ADGRF1: variants seen among roughly 807,000 people sequenced by gnomAD.
ADGRF1 encodes the protein adhesion G protein-coupled receptor F1.
ADGRF1 carries 85 observed loss-of-function variants against 87.2 expected under a neutral mutation model. That is an observed-to-expected ratio of 0.97 (90% CI 0.82 to 1.17). The LOEUF is 1.17. ADGRF1 is among the 50% of genes most tolerant of loss of function. ADGRF1 has a pLI of 0.00. For missense variants in ADGRF1, 1,169 were observed against 1,077.2 expected, an observed-to-expected ratio of 1.09 and a Z score of -1.19; for synonymous variants, 430 against 408.8, an observed-to-expected ratio of 1.05 and a Z score of -0.63.
chr6:47,013,775 G>C (rs1779778205), intron 9 of ADGRF1: 1 of 399,894 alleles, frequency 2.5e-6, no homozygotes, highest in African/African-American at 2.2e-5. Flanking sequence ...GTTTCTAATG[G>C]TTTAGCACCA....
At chr6:47,023,905 G>C in intron 5 of ADGRF1, 139 bp downstream of exon 5, 2 of 722,548 alleles carry the variant, frequency 2.8e-6, no homozygotes, top group Non-Finnish European at 4.5e-6. Flanking sequence ...GTCCAGACAG[G>C]CCTAACATGA....
At chr6:47,000,415 G>A in intron 14 of ADGRF1, 120 bp from the exon 15 acceptor site, 4 of 683,958 alleles carry the variant, frequency 5.8e-6, no homozygotes, top group Non-Finnish European at 9.7e-6. Context: ...AAAGATTCTA[G>A]GTAAAGACAA....
chr6:47,014,984 T>G, intron 8 of ADGRF1, 140 bp from the exon 9 acceptor site: 1 of 1,219,348 alleles, frequency 8.2e-7, no homozygotes, highest in Non-Finnish European at 1.1e-6. Context: ...TAAGAGAAGT[T>G]TGTCTTTGAT....
rs1779264630 is a variant in ADGRF1 at position 46,998,225 on chromosome 6, G to A, written c.*1997C>T. ...TGTCAGGGTTCTCTGGATAGTAATT[G>A]TGTGTAATAAGAGAGGGAGCATTCA... On this transcript the variant is annotated 3_prime_UTR_variant, in exon 15 of 15. Coordinates refer to ENST00000371253, the MANE Select transcript of ADGRF1 (RefSeq NM_153840.4). The A allele has an allele frequency of 6.6e-6, 1 of 152,186 alleles. No homozygotes were observed. Among genetic ancestry groups the A allele is most frequent in the Non-Finnish European group, 1.5e-5 (1 of 68,038 alleles). 9.4% of individuals were successfully genotyped at this position (152,186 alleles called of 1,614,324 possible). A position where few individuals can be genotyped will look rare whatever the true frequency, so the allele number is the denominator to read the frequency against.
chr6:47,013,561 T>C (rs1443351272), intron 9 of ADGRF1: 1 of 985,476 alleles, frequency 1.0e-6, no homozygotes, highest in Non-Finnish European at 1.2e-6. Flanking sequence ...TTTCTGTGAC[T>C]TGAGTTCTTC....
Position 47,024,327 on chromosome 6 carries a change from C to A in ADGRF1, c.278-110G>T, listed in dbSNP as rs1276551165. ...TATTTTTCAGATTAACTTCCTACATCTTCTATGAGTTTTGTTTTGTTTTGT... is the reference window on the plus strand; with the variant it reads ...TATTTTTCAGATTAACTTCCTACATATTCTATGAGTTTTGTTTTGTTTTGT... On this transcript the variant is annotated intron_variant, in intron 4 of 14. Coordinates refer to ENST00000371253, the MANE Select transcript of ADGRF1 (RefSeq NM_153840.4). 3.8e-6 allele frequency: 3 copies of A among 798,944 alleles called. No homozygotes were observed. In the African/African-American group the frequency reaches 5.3e-5, roughly 14 times the overall value. The allele number at this position is 798,944 out of a possible 1,614,324, so 49.5% of individuals were successfully genotyped here. A position where few individuals can be genotyped will look rare whatever the true frequency, so the allele number is the denominator to read the frequency against.
At chr6:47,015,708 C>T (rs1339483023) in intron 8 of ADGRF1, among the ~76,000 whole-genome samples, 1 of 152,020 alleles carries the variant, frequency 6.6e-6, no homozygotes, top group Non-Finnish European at 1.5e-5. Context: ...CTGCCTTGGC[C>T]TCTCGAGTAG....
rs1434896756 is a variant in ADGRF1, at chr6:47,009,054, AG to A, written c.2380del (p.Leu794SerfsTer3). ...GAGCCCTAGCAGAGGGGTCAGAATG[AG>A]GAGGCTCTTCCCCACGCGGATGATG... ...ATIIRVGKSLLILTPLLGLTW... is the reference protein window; with the variant it reads ...ATIIRVGKSLXILTPLLGLTW... On this transcript the variant is annotated frameshift_variant, in exon 11 of 15. Coordinates refer to ENST00000371253, the MANE Select transcript of ADGRF1 (RefSeq NM_153840.4). LOFTEE classifies it high-confidence loss of function. 8.7e-6 allele frequency: 14 copies of A among 1,614,008 alleles called. No individual in the cohort carries two copies. Among genetic ancestry groups the A allele is most frequent in the African/African-American group, 1.3e-5 (1 of 74,916 alleles).
chr6:46,999,317 A>G lies in ADGRF1; in HGVS notation c.*905T>C, dbSNP rs1296618825. On this transcript the variant is annotated 3_prime_UTR_variant, in exon 15 of 15. Coordinates refer to ENST00000371253, the MANE Select transcript of ADGRF1 (RefSeq NM_153840.4). ...AATTCTCCCTTAATTTCTCTCTTAC[A>G]TAGAATTCTGGGAATGGTGAACTGT... The G allele has an allele frequency of 1.3e-5, 2 of 152,358 alleles. No individual in the cohort carries two copies. Among genetic ancestry groups the G allele is most frequent in the East Asian group, 1.9e-4 (1 of 5,186 alleles). 9.4% of individuals were successfully genotyped at this position (152,358 alleles called of 1,614,324 possible).
chr6:47,032,987 C>T (rs556195894), intron 1 of ADGRF1, among the ~76,000 whole-genome samples: 5 of 152,336 alleles, frequency 3.3e-5, no homozygotes, highest in East Asian at 3.9e-4. Context: ...CTCTGAACTT[C>T]GCCTTTAGTA....
At chr6:47,012,771 T>C (rs1779747802) in intron 9 of ADGRF1, 2 of 984,966 alleles carry the variant, frequency 2.0e-6, no homozygotes, top group Non-Finnish European at 2.4e-6. Context: ...ACAAGATTTG[T>C]TTTTTTTATT....
intron 7 of ADGRF1, chr6:47,020,308 C>T: frequency 1.0e-6 from 1 of 965,426 alleles, no homozygotes; most frequent in Non-Finnish European, 1.4e-6. Flanking sequence ...GTGTGGCCAA[C>T]ATGGTGAAAC....
chr6:47,013,683 T>A (rs1779774471), intron 9 of ADGRF1: 2 of 982,908 alleles, frequency 2.0e-6, no homozygotes, highest in Non-Finnish European at 2.4e-6. Flanking sequence ...TGGCTCTGTG[T>A]CCCCACCCAA....
chr6:47,023,491 T>C (rs1279113687), intron 5 of ADGRF1, among the ~76,000 whole-genome samples: 5 of 152,226 alleles, frequency 3.3e-5, no homozygotes, highest in African/African-American at 1.2e-4. Context: ...TCACCTTTCA[T>C]TGAACATAAA....
chr6:47,039,667 T>G (rs1328339458), intron 1 of ADGRF1, among the ~76,000 whole-genome samples: 1 of 152,166 alleles, frequency 6.6e-6, no homozygotes, highest in African/African-American at 2.4e-5. Context: ...TCACATCTAT[T>G]AAAACCATGT....
chr6:47,010,146 T>G lies in ADGRF1; in HGVS notation c.1289A>C (p.Asp430Ala). The G allele has an allele frequency of 6.2e-7, 1 of 1,614,156 alleles. No homozygotes were observed. Among genetic ancestry groups the G allele is most frequent in the Non-Finnish European group, 8.5e-7 (1 of 1,180,026 alleles). Reference protein sequence around the residue: ...LPLNFSRKFIDWKGIPVNKSQ... With the variant: ...LPLNFSRKFIAWKGIPVNKSQ... Reference sequence around the variant, plus strand: ...TTTGTTCACTGGAATCCCTTTCCAGTCAATGAATTTCCGAGAAAAATTCAG... The same window carrying G: ...TTTGTTCACTGGAATCCCTTTCCAGGCAATGAATTTCCGAGAAAAATTCAG... The change falls in exon 11 of 15, where the codon GAC becomes GCC. Residue 430 changes from aspartate to alanine, a missense_variant. Physicochemically the swap from Asp to Ala is moderately radical, Grantham distance 126. Coordinates refer to ENST00000371253, the MANE Select transcript of ADGRF1 (RefSeq NM_153840.4).
chr6:47,031,330 CTT>C lies in ADGRF1; in HGVS notation c.-43-2228_-43-2227del, dbSNP rs1491579800. Among the ~76,000 whole-genome samples, 44 of 141,718 alleles carry C rather than the reference CTT, an allele frequency of 3.1e-4. 1 individual carries two copies. Among genetic ancestry groups the C allele is most frequent in the African/African-American group, 1.2e-3 (43 of 36,656 alleles). The allele number at this position is 141,718 out of a possible 152,430, so 93.0% of individuals were successfully genotyped here. A position where few individuals can be genotyped will look rare whatever the true frequency, so the allele number is the denominator to read the frequency against. ...TCTGTCTCTCTGTCTCTCTCTCTCT[CTT>C]CTCTCTCTCTCTCTCTCTGTCTCTC... On this transcript the variant is annotated intron_variant, in intron 1 of 14. Coordinates refer to ENST00000371253, the MANE Select transcript of ADGRF1 (RefSeq NM_153840.4).
At chr6:47,004,431 GAC>G (rs1333168188) in intron 13 of ADGRF1, among the ~76,000 whole-genome samples, 1 of 152,202 alleles carries the variant, frequency 6.6e-6, no homozygotes, top group East Asian at 1.9e-4. Flanking sequence ...TACAAATACA[GAC>G]ACTGCCTTCT....
At position 47,028,984 on chromosome 6, in the gene ADGRF1, C is replaced by A. The variant is rs1331624926; in HGVS notation, c.69+9G>T. The A allele has an allele frequency of 3.7e-6, 6 of 1,611,762 alleles. No homozygotes were observed. Among genetic ancestry groups the A allele is most frequent in the Non-Finnish European group, 5.1e-6 (6 of 1,177,904 alleles). On this transcript the variant is annotated intron_variant, in intron 2 of 14. Transcript: ENST00000371253. ...TTGAGAAGAGATATGAGACATAGCACCAACTCACCCCCAGGAAGCCACCGT... is the reference window on the plus strand; with the variant it reads ...TTGAGAAGAGATATGAGACATAGCAACAACTCACCCCCAGGAAGCCACCGT...
Sources: gnomAD v4.1 joint callset for allele counts (sites outside exome capture counted in the v4.1 genomes callset) on GRCh38, gnomAD v4.1.1 for gene constraint, MANE v1.5 for transcripts, NCBI Gene and HGNC (gene_info 2026-07-23, HGNC 2026-07-21) for gene names.